The following IMPG2 variants were observed in gnomAD, a reference collection of about 807,000 sequenced individuals.
IMPG2 encodes the protein interphotoreceptor matrix proteoglycan 2.
In IMPG2, 91 loss-of-function variants were observed where a neutral mutation model predicts 129.2. The ratio of observed to expected loss-of-function variants is 0.70; its 90% CI spans 0.59 to 0.84. IMPG2 has a LOEUF of 0.84. Among genes scored for constraint, IMPG2 ranks in the 40% least tolerant of loss-of-function variants. IMPG2 has a pLI of 0.00. For missense variants in IMPG2, 1,430 were observed against 1,461.7 expected, an observed-to-expected ratio of 0.98 and a Z score of 0.35; for synonymous variants, 510 against 517.7, an observed-to-expected ratio of 0.99 and a Z score of 0.20.
chr3:101,279,490 C>G (rs1242407643), intron 4 of IMPG2, among the ~76,000 whole-genome samples: 1 of 152,158 alleles, frequency 6.6e-6, no homozygotes, highest in Non-Finnish European at 1.5e-5. Flanking sequence ...CTTCATGATA[C>G]TGGCCTATAA....
chr3:101,256,213 GAA>G (rs1293973851), intron 10 of IMPG2, among the ~76,000 whole-genome samples: 6 of 140,858 alleles, frequency 4.3e-5, no homozygotes, highest in South Asian at 2.3e-4. Context: ...AAGAAAGAAA[GAA>G]AGAAAAAAAT....
chr3:101,311,680 T>A (rs1028147078), intron 2 of IMPG2, among the ~76,000 whole-genome samples: 1 of 152,210 alleles, frequency 6.6e-6, no homozygotes, highest in African/African-American at 2.4e-5. Flanking sequence ...TCAGAATACA[T>A]GCTGACTTCT....
Position 101,245,984 on chromosome 3 carries a change from G to C in IMPG2, c.1361C>G (p.Pro454Arg), listed in dbSNP as rs571931882. 1.2e-6 allele frequency: 2 copies of C among 1,614,110 alleles called. No individual in the cohort carries two copies. The highest frequency in any genetic ancestry group is 1.6e-4 in the Middle Eastern group (1 of 6,062). The change falls in exon 12 of 19, where the codon CCT becomes CGT. Residue 454 changes from proline to arginine, a missense_variant. Physicochemically the swap from Pro to Arg is moderately radical, Grantham distance 103. Transcript: ENST00000193391. ...GTGTGTAGACACTAAATCACCCAAA[G>C]GACTTTCTGACCAGAGTTCCCTGCC... is the stretch of plus-strand genomic sequence containing the variant. Reference protein sequence around the residue: ...ATGRELWSESPLGDLVSTHKL... With the variant: ...ATGRELWSESRLGDLVSTHKL...
Position 101,257,731 on chromosome 3 carries a change from G to A in IMPG2, c.951C>T (p.Ala317=). The part of the protein sequence containing the change: ...VYYAVTFNGE[A]ISNTTWDLIS... ...TGAGGTCCCAGGTGGTATTGCTGAT[G>A]GCCTCACCATTGAAGGTAACTGCAT... The change falls in exon 10 of 19, where the codon GCC becomes GCT. Residue 317 remains alanine, a synonymous_variant. Coordinates refer to ENST00000193391, the MANE Select transcript of IMPG2 (RefSeq NM_016247.4). 2 of 1,613,116 alleles carry A rather than the reference G, an allele frequency of 1.2e-6. No individual in the cohort carries two copies. Among genetic ancestry groups the A allele is most frequent in the Non-Finnish European group, 1.7e-6 (2 of 1,179,334 alleles).
intron 3 of IMPG2, among the ~76,000 whole-genome samples, chr3:101,301,794 T>C (rs1363701430): frequency 2.6e-5 from 4 of 152,214 alleles, no homozygotes; most frequent in African/African-American, 9.6e-5. Flanking sequence ...GGAGTACTGA[T>C]GCAACACCCT....
chr3:101,298,157 C>A (rs975354996), intron 3 of IMPG2, among the ~76,000 whole-genome samples: 4 of 152,018 alleles, frequency 2.6e-5, no homozygotes, highest in Non-Finnish European at 4.4e-5. Flanking sequence ...ATGTAATGCC[C>A]TTCTTTGTCT....
intron 14 of IMPG2, among the ~76,000 whole-genome samples, chr3:101,237,419 T>TG (rs1706359239): frequency 1.3e-5 from 2 of 152,296 alleles, no homozygotes; most frequent in South Asian, 4.1e-4. Context: ...GTCTCCTGAC[T>TG]GGGGGACACC....
chr3:101,253,228 G>A (rs1177991705), intron 11 of IMPG2, among the ~76,000 whole-genome samples: 2 of 152,068 alleles, frequency 1.3e-5, no homozygotes, highest in East Asian at 3.9e-4. Flanking sequence ...CTGTCAGCTA[G>A]TGGATGATAT....
intron 9 of IMPG2, among the ~76,000 whole-genome samples, chr3:101,260,711 C>T (rs2107237792): frequency 6.6e-6 from 1 of 152,228 alleles, no homozygotes; most frequent in Admixed American, 6.5e-5. Flanking sequence ...CTTCACCTGG[C>T]TATTTCTATT....
At chr3:101,296,363 C>G (rs554654499) in intron 3 of IMPG2, among the ~76,000 whole-genome samples, 1 of 152,172 alleles carries the variant, frequency 6.6e-6, no homozygotes, top group African/African-American at 2.4e-5. Flanking sequence ...TGATGGATTA[C>G]GTTTATTGAT....
chr3:101,229,818 C>T (rs1706267341), intron 16 of IMPG2, among the ~76,000 whole-genome samples: 1 of 152,236 alleles, frequency 6.6e-6, no homozygotes, highest in Non-Finnish European at 1.5e-5. Flanking sequence ...TGTTCCATGT[C>T]TCATTCATCT....
rs762675026 is a variant in IMPG2, at chr3:101,253,656, G to C, written c.1239+40C>G. ...GCAGGTGCAGGAAGAAAGAAGAGAA[G>C]CTTGAGGGCCTGGTTCTAGCATAAA... On this transcript the variant is annotated intron_variant, in intron 11 of 18. Coordinates refer to ENST00000193391, the MANE Select transcript of IMPG2 (RefSeq NM_016247.4). The C allele has an allele frequency of 6.5e-6, 9 of 1,377,664 alleles. No homozygotes were observed. In the East Asian group the frequency reaches 2.1e-4, roughly 32 times the overall value. The allele number at this position is 1,377,664 out of a possible 1,614,324, so 85.3% of individuals were successfully genotyped here. A position where few individuals can be genotyped will look rare whatever the true frequency, so the allele number is the denominator to read the frequency against.
chr3:101,226,898 T>A lies in IMPG2; in HGVS notation c.*71A>T. 6.7e-7 allele frequency: 1 copy of A among 1,485,268 alleles called. No individual in the cohort carries two copies. Among genetic ancestry groups the A allele is most frequent in the Non-Finnish European group, 9.4e-7 (1 of 1,065,018 alleles). 92.0% of individuals were successfully genotyped at this position (1,485,268 alleles called of 1,614,324 possible). A position where few individuals can be genotyped will look rare whatever the true frequency, so the allele number is the denominator to read the frequency against. Reference sequence around the variant, plus strand: ...AACAGTGTTTAAAATCCAGGTTAATTATATGACATAAGTAACAAGTAATCT... The same window carrying A: ...AACAGTGTTTAAAATCCAGGTTAATAATATGACATAAGTAACAAGTAATCT... On this transcript the variant is annotated 3_prime_UTR_variant, in exon 19 of 19. Coordinates refer to ENST00000193391, the MANE Select transcript of IMPG2 (RefSeq NM_016247.4).
intron 2 of IMPG2, among the ~76,000 whole-genome samples, chr3:101,309,523 G>GC (rs1707238809): frequency 6.6e-6 from 1 of 152,090 alleles, no homozygotes; most frequent in Non-Finnish European, 1.5e-5. Context: ...ACGTGGGAAA[G>GC]CCCCTTATTA....
At position 101,242,955 on chromosome 3, in the gene IMPG2, G is replaced by A. The variant is rs146922049; in HGVS notation, c.2803-48C>T. The stretch of plus-strand genomic sequence containing the variant: ...GTTTATTGACAGCGTGTCACATTTT[G>A]TTCAATACATACCCAAACAAAACAA... On this transcript the variant is annotated intron_variant, in intron 13 of 18. Coordinates refer to ENST00000193391, the MANE Select transcript of IMPG2 (RefSeq NM_016247.4). 430 of 1,462,326 alleles carry A rather than the reference G, an allele frequency of 2.9e-4. 1 individual carries two copies. In the East Asian group the frequency reaches 7.5e-3, roughly 26 times the overall value. The allele number at this position is 1,462,326 out of a possible 1,614,324, so 90.6% of individuals were successfully genotyped here.
At chr3:101,256,217 G>GAAAGAAAGAAA (rs1553682324) in intron 10 of IMPG2, among the ~76,000 whole-genome samples, 2 of 138,170 alleles carry the variant, frequency 1.4e-5, no homozygotes, top group African/African-American at 5.5e-5. Flanking sequence ...AAGAAAGAAA[G>GAAAGAAAGAAA]AAAAAAATAT....
Position 101,253,685 on chromosome 3 carries a change from T to TAAAAACATACC in IMPG2, c.1239_1239+10dup. 1 of 1,597,052 alleles carries TAAAAACATACC rather than the reference T, an allele frequency of 6.3e-7. No individual in the cohort carries two copies. Among genetic ancestry groups the TAAAAACATACC allele is most frequent in the Non-Finnish European group, 8.6e-7 (1 of 1,165,984 alleles). On this transcript the variant is annotated intron_variant, in intron 11 of 18. Transcript: ENST00000193391. ...GAGGGCCTGGTTCTAGCATAAAACA[T>TAAAAACATACC]AAAAACATACCAGAATAGATGACGG...
intron 14 of IMPG2, among the ~76,000 whole-genome samples, chr3:101,235,464 T>G (rs1357831462): frequency 6.6e-6 from 1 of 152,256 alleles, no homozygotes; most frequent in African/African-American, 2.4e-5. Flanking sequence ...GTAACCATTC[T>G]GCAGGTATAT....
intron 15 of IMPG2, among the ~76,000 whole-genome samples, chr3:101,231,576 G>A (rs1383376616): frequency 6.6e-6 from 1 of 152,172 alleles, no homozygotes; most frequent in Non-Finnish European, 1.5e-5. Flanking sequence ...AAGGCCACAG[G>A]GAAAGGAAAT....
Sources: gnomAD v4.1 joint callset for allele counts (sites outside exome capture counted in the v4.1 genomes callset) on GRCh38, gnomAD v4.1.1 for gene constraint, MANE v1.5 for transcripts, NCBI Gene and HGNC (gene_info 2026-07-23, HGNC 2026-07-21) for gene names.